GPR55: variants seen among roughly 807,000 people sequenced by gnomAD.
GPR55 encodes the protein G protein-coupled receptor 55.
GPR55 carries 6 observed loss-of-function variants against 7.9 expected under a neutral mutation model. The ratio of observed to expected loss-of-function variants is 0.76; its 90% CI spans 0.41 to 1.49. The LOEUF (loss-of-function observed/expected upper bound fraction) is 1.49, where lower values mean the gene tolerates loss of function less well. GPR55 is among the 40% of genes most tolerant of loss of function. The pLI is 0.01. For missense variants in GPR55, 376 were observed against 406.0 expected (o/e 0.93, Z 0.63); for synonymous variants, 183 against 166.8 (o/e 1.10, Z -0.75).
intron 1 of GPR55, among the ~76,000 whole-genome samples, chr2:230,911,602 C>A (rs1041456963): frequency 6.6e-6 from 1 of 152,228 alleles, no homozygotes; most frequent in African/African-American, 2.4e-5. Flanking sequence ...ATCAACACAA[C>A]TTTTGCTTGG....
At chr2:230,938,133 C>A (rs1205177282) in intron 1 of GPR55, among the ~76,000 whole-genome samples, 1 of 82,288 alleles carries the variant, frequency 1.2e-5, no homozygotes, top group Non-Finnish European at 2.1e-5. Context: ...GGAGACAGAA[C>A]AAGACCCTGT....
chr2:230,950,447 G>A (rs1263519445), intron 1 of GPR55, among the ~76,000 whole-genome samples: 2 of 151,488 alleles, frequency 1.3e-5, no homozygotes, highest in African/African-American at 2.4e-5. Flanking sequence ...CCTCTTTTTT[G>A]TTTTTCTCGT....
chr2:230,909,887 A>C lies in GPR55; in HGVS notation c.*116T>G. On this transcript the variant is annotated 3_prime_UTR_variant, in exon 2 of 2. Transcript: ENST00000650999. ...CTGGCACTCAATGGGCATCAAAGGG[A>C]AGCACATCAGTGAAGATGGTGCGGA... 1 of 1,057,166 alleles carries C rather than the reference A, an allele frequency of 9.5e-7. No individual in the cohort carries two copies. The highest frequency in any genetic ancestry group is 1.4e-6 in the Non-Finnish European group (1 of 716,218). 65.5% of individuals were successfully genotyped at this position (1,057,166 alleles called of 1,614,324 possible). A position where few individuals can be genotyped will look rare whatever the true frequency, so the allele number is the denominator to read the frequency against.
chr2:230,937,175 G>C (rs927082728), intron 1 of GPR55, among the ~76,000 whole-genome samples: 3 of 151,650 alleles, frequency 2.0e-5, no homozygotes, highest in African/African-American at 7.3e-5. Flanking sequence ...GCTGAGGTGG[G>C]AGGATTGCTT....
intron 1 of GPR55, among the ~76,000 whole-genome samples, chr2:230,937,855 A>G (rs1691157555): frequency 6.6e-6 from 1 of 152,196 alleles, no homozygotes. Flanking sequence ...CAGTAGAACA[A>G]GATATTTAAA....
chr2:230,927,846 C>T (rs1018601373), upstream of GPR55, among the ~76,000 whole-genome samples: 1 of 152,274 alleles, frequency 6.6e-6, no homozygotes, highest in Non-Finnish European at 1.5e-5. Context: ...AGGCCTGGCC[C>T]TGCCCTCGTG....
At position 230,923,393 on chromosome 2, in the gene GPR55, T is replaced by C. The variant is rs1366171152; in HGVS notation, c.-135+1775A>G. Among the ~76,000 whole-genome samples the C allele has an allele frequency of 1.7e-4, 26 of 152,090 alleles. No individual in the cohort carries two copies. The highest frequency in any genetic ancestry group is 1.3e-4 in the Non-Finnish European group (9 of 68,018). Reference sequence around the variant, plus strand: ...GCATTGGCACAGCCGCAGGGATGGATTTGAGGAGCCCTGGAATACTCCCCC... The same window carrying C: ...GCATTGGCACAGCCGCAGGGATGGACTTGAGGAGCCCTGGAATACTCCCCC... On this transcript the variant is annotated intron_variant, in intron 1 of 1. Transcript: ENST00000650999. The surrounding 1 kb of genome is among the most constrained non-coding windows in gnomAD (Gnocchi z 4.1).
chr2:230,915,160 C>T (rs774386387), intron 1 of GPR55, among the ~76,000 whole-genome samples: 13 of 152,242 alleles, frequency 8.5e-5, no homozygotes, highest in Non-Finnish European at 1.9e-4. Flanking sequence ...GCATCAACAT[C>T]ACCATGGACC....
rs1310672430 is a variant in GPR55, at chr2:230,908,608, C to A, written c.*1395G>T. ...CACCACCCCTCCCAAGCCCTTCAGC[C>A]CCCACTGAGCCCAGATCCTACAAGT... On this transcript the variant is annotated 3_prime_UTR_variant, in exon 2 of 2. Transcript: ENST00000650999. 6.5e-6 allele frequency: 1 copy of A among 152,962 alleles called. No individual in the cohort carries two copies. Among genetic ancestry groups the A allele is most frequent in the African/African-American group, 2.4e-5 (1 of 41,438 alleles). The allele number at this position is 152,962 out of a possible 1,614,324, so 9.5% of individuals were successfully genotyped here.
At chr2:230,935,286 C>T (rs1691116360) in intron 1 of GPR55, among the ~76,000 whole-genome samples, 1 of 152,118 alleles carries the variant, frequency 6.6e-6, no homozygotes, top group Admixed American at 6.5e-5. Flanking sequence ...AGTGTGTGGT[C>T]CCAGCCCGGC....
At chr2:230,917,299 T>C (rs932038320) in intron 1 of GPR55, among the ~76,000 whole-genome samples, 10 of 152,304 alleles carry the variant, frequency 6.6e-5, no homozygotes, top group African/African-American at 2.4e-4. Context: ...AATTAGGACA[T>C]AGAATTATAT....
chr2:230,956,629 C>T (rs1691486902), intron 1 of GPR55, among the ~76,000 whole-genome samples: 1 of 152,140 alleles, frequency 6.6e-6, no homozygotes, highest in Admixed American at 6.5e-5. Flanking sequence ...ACCTGCAGCT[C>T]CTAAAAGAAG....
intron 1 of GPR55, among the ~76,000 whole-genome samples, chr2:230,920,742 G>T (rs1690813508): frequency 6.6e-6 from 1 of 152,156 alleles, no homozygotes; most frequent in East Asian, 1.9e-4. Flanking sequence ...AAATCACCTT[G>T]TCTATCTTAA....
rs1318179068 is a variant in GPR55, at chr2:230,907,941, A to G, written c.*2062T>C. 6.6e-6 allele frequency: 1 copy of G among 152,144 alleles called. No homozygotes were observed. Among genetic ancestry groups the G allele is most frequent in the Non-Finnish European group, 1.5e-5 (1 of 68,012 alleles). 9.4% of individuals were successfully genotyped at this position (152,144 alleles called of 1,614,324 possible). A position where few individuals can be genotyped will look rare whatever the true frequency, so the allele number is the denominator to read the frequency against. ...GGCAGGCTCCCAACTCCTCGTGCAG[A>G]GAAAGAAGTGGGAGGAGGGTGGTCA... On this transcript the variant is annotated 3_prime_UTR_variant, in exon 2 of 2. Transcript: ENST00000650999.
chr2:230,953,942 TC>T, intron 1 of GPR55, among the ~76,000 whole-genome samples: 1 of 152,250 alleles, frequency 6.6e-6, no homozygotes, highest in East Asian at 1.9e-4. Flanking sequence ...TGGTGGGGGA[TC>T]CCCAAGGCGA....
intron 1 of GPR55, among the ~76,000 whole-genome samples, chr2:230,937,469 C>T (rs1282024317): frequency 3.2e-5 from 2 of 62,086 alleles, no homozygotes; most frequent in Non-Finnish European, 5.4e-5. Context: ...GCAATAAGAA[C>T]TAATTGCGTT....
rs1690913136 is a variant in GPR55, at chr2:230,924,805, G to A, written c.-135+363C>T. Among the ~76,000 whole-genome samples, 6 of 152,282 alleles carry A rather than the reference G, an allele frequency of 3.9e-5. No individual in the cohort carries two copies. The South Asian group carries it at 1.2e-3, about 32-fold the overall frequency. ...GAATGGGCGGCGGGCTTGGTGGAGG[G>A]CGGTGGCACGTGAGCTACATGCCCC... On this transcript the variant is annotated intron_variant, in intron 1 of 1. Transcript: ENST00000650999. This position sits in a 1 kb window ranked among gnomAD's most constrained non-coding sequence, Gnocchi z 4.5.
chr2:230,928,570 C>G (rs746531212), upstream of GPR55: 2 of 152,052 alleles, frequency 1.3e-5, no homozygotes, highest in African/African-American at 4.8e-5. Context: ...TTTTAGGAGT[C>G]GGCATGGTAA....
chr2:230,931,313 G>C (rs1050776345), intron 1 of GPR55, among the ~76,000 whole-genome samples: 1 of 152,222 alleles, frequency 6.6e-6, no homozygotes, highest in Non-Finnish European at 1.5e-5. Context: ...TACAAATTAA[G>C]TCTGTTCATT....
Sources: gnomAD v4.1 joint callset for allele counts (sites outside exome capture counted in the v4.1 genomes callset) on GRCh38, gnomAD v4.1.1 for gene constraint, Gnocchi (gnomAD v3.1) non-coding constraint, MANE v1.5 for transcripts, NCBI Gene and HGNC (gene_info 2026-07-23, HGNC 2026-07-21) for gene names.